The following KMT2C variants were observed in gnomAD, a reference collection of about 807,000 sequenced individuals.
The protein encoded by KMT2C is histone-lysine N-methyltransferase 2C.
Under a neutral mutation model 507.9 loss-of-function variants are expected in KMT2C, and 88 were observed. That is an observed-to-expected ratio of 0.17 (90% CI 0.15 to 0.21). The LOEUF (loss-of-function observed/expected upper bound fraction) is 0.21, where lower values mean the gene tolerates loss of function less well. KMT2C is among the 10% of genes least tolerant of loss of function. The pLI is 1.00. For missense variants in KMT2C, 4,954 were observed against 5,957.8 expected (o/e 0.83, Z 5.55); for synonymous variants, 2,049 against 2,080.8 (o/e 0.98, Z 0.42).
intron 31 of KMT2C, among the ~76,000 whole-genome samples, chr7:152,190,204 G>A (rs188116937): frequency 6.6e-6 from 1 of 152,118 alleles, no homozygotes; most frequent in African/African-American, 2.4e-5. Flanking sequence ...GGACTGCTGC[G>A]TTAAGGAATG....
intron 8 of KMT2C, 133 bp downstream of exon 8, chr7:152,264,905 A>T: frequency 1.0e-6 from 1 of 1,000,274 alleles, no homozygotes; most frequent in Non-Finnish European, 1.3e-6. Context: ...AATTTTTTTA[A>T]GTATGATGAA....
chr7:152,149,272 G>A (rs2091411715), intron 51 of KMT2C, 120 bp from the exon 52 acceptor site: 1 of 890,600 alleles, frequency 1.1e-6, no homozygotes, highest in South Asian at 3.3e-5. Flanking sequence ...GAGGGGCAGA[G>A]GGAGAGTCAG....
chr7:152,234,839 G>A (rs1296591011), intron 16 of KMT2C, among the ~76,000 whole-genome samples: 25 of 151,698 alleles, frequency 1.6e-4, no homozygotes, highest in East Asian at 5.8e-4. Flanking sequence ...AGCTATGATC[G>A]CACCACTGCA....
At chr7:152,176,071 G>A in intron 38 of KMT2C, 120 bp downstream of exon 38, 1 of 1,059,650 alleles carries the variant, frequency 9.4e-7, no homozygotes. Context: ...TCCTCAAGGA[G>A]GAATAGAAAA....
In KMT2C at chr7:152,181,688, C is replaced by G; in HGVS notation, c.6172G>C (p.Gly2058Arg). 6.2e-7 allele frequency: 1 copy of G among 1,614,082 alleles called. No homozygotes were observed. The highest frequency in any genetic ancestry group is 8.5e-7 in the Non-Finnish European group (1 of 1,180,020). ...CGCCTTGATGCCTGTGACACTGATC[C>G]ATAAGGATCCTGAGAGGATGGAGGA... Reference protein sequence around the residue: ...QPPPSSQDPYGSVSQASRRLS... With the variant: ...QPPPSSQDPYRSVSQASRRLS... The change falls in exon 36 of 59, where the codon GGA (glycine) becomes CGA (arginine). Residue 2058 changes from glycine (G) to arginine (R), a missense_variant. Physicochemically the swap from Gly to Arg is moderately radical, Grantham distance 125. Around this residue, in one of 29 missense-constraint regions of KMT2C, gnomAD observed 1,689 missense variants for 1,654.3 expected, o/e 1.02. Coordinates refer to ENST00000262189, the MANE Select transcript of KMT2C (RefSeq NM_170606.3).
In KMT2C at chr7:152,243,284, AG is replaced by A. The variant is rs546020872; in HGVS notation, c.2533-4459del. ...CCACAACAAGCACAAGTGAACTAAA[AG>A]GAAAGTCTGGTACTTCTAATCGGCT... is the stretch of plus-strand genomic sequence containing the variant. On this transcript the variant is annotated intron_variant, in intron 14 of 58. Transcript: ENST00000262189. Among the ~76,000 whole-genome samples the A allele has an allele frequency of 3.9e-5, 6 of 152,340 alleles. No homozygotes were observed. The South Asian group carries it at 1.2e-3, about 32-fold the overall frequency.
At chr7:152,384,392 C>A (rs1162810595) in intron 1 of KMT2C, among the ~76,000 whole-genome samples, 5 of 152,232 alleles carry the variant, frequency 3.3e-5, no homozygotes, top group Admixed American at 3.3e-4. Context: ...ATCTCAGAGC[C>A]TTTGCACATG....
intron 1 of KMT2C, among the ~76,000 whole-genome samples, chr7:152,415,427 C>T (rs1202875404): frequency 6.6e-6 from 1 of 151,998 alleles, no homozygotes; most frequent in African/African-American, 2.4e-5. Context: ...TTTCACTACA[C>T]AAAAGATAAT....
intron 7 of KMT2C, among the ~76,000 whole-genome samples, chr7:152,272,051 A>G (rs2095986406): frequency 6.6e-6 from 1 of 152,094 alleles, no homozygotes; most frequent in African/African-American, 2.4e-5. Flanking sequence ...TTCCATTGCC[A>G]AATTTCCTTA....
chr7:152,160,980 T>G (rs1344623354), intron 43 of KMT2C, among the ~76,000 whole-genome samples: 1 of 152,020 alleles, frequency 6.6e-6, no homozygotes, highest in East Asian at 1.9e-4. Context: ...TAAAAATATA[T>G]TGTCCAGACG....
chr7:152,208,272 G>C (rs993576849), intron 23 of KMT2C, among the ~76,000 whole-genome samples: 1 of 152,132 alleles, frequency 6.6e-6, no homozygotes, highest in Non-Finnish European at 1.5e-5. Flanking sequence ...TCAGTTCTTT[G>C]AATGTATCAA....
chr7:152,433,762 G>A (rs2097887540), intron 1 of KMT2C, among the ~76,000 whole-genome samples: 1 of 152,212 alleles, frequency 6.6e-6, no homozygotes, highest in Admixed American at 6.5e-5. Context: ...ATAATAAAGT[G>A]GCAATACCCT....
chr7:152,424,605 G>A (rs2097799458), intron 1 of KMT2C, among the ~76,000 whole-genome samples: 1 of 152,008 alleles, frequency 6.6e-6, no homozygotes, highest in African/African-American at 2.4e-5. Context: ...GTATTTTTTT[G>A]TAGAGACAGT....
chr7:152,210,669 G>A (rs890699924), intron 23 of KMT2C, among the ~76,000 whole-genome samples: 5 of 151,768 alleles, frequency 3.3e-5, no homozygotes, highest in Non-Finnish European at 7.4e-5. Context: ...TAACATGAAA[G>A]ACAGAGACCT....
At chr7:152,194,296 C>CA (rs745718604) in intron 29 of KMT2C, 35 bp from the exon 30 acceptor site, 1 of 1,354,588 alleles carries the variant, frequency 7.4e-7, no homozygotes, top group Non-Finnish European at 1.0e-6. Context: ...GAAACATTAA[C>CA]AGCTACTAAT....
chr7:152,185,629 A>C lies in KMT2C; in HGVS notation c.5011T>G (p.Trp1671Gly), dbSNP rs2093602704. ...FPNLKEEFPD[W>G]TTRVKQIAKL... is the part of the protein sequence containing the mutation. ...GCAATTTGCTTCACTCTAGTAGTCC[A>C]ATCTGCAACAAAAGAACAGAGTATA... The change falls in exon 34 of 59, where the codon TGG (tryptophan) becomes GGG (glycine). Residue 1671 changes from tryptophan (W) to glycine (G), a missense_variant and splice_region_variant. Coordinates refer to ENST00000262189, the MANE Select transcript of KMT2C (RefSeq NM_170606.3). The C allele has an allele frequency of 6.2e-7, 1 of 1,609,824 alleles. No individual in the cohort carries two copies. Among genetic ancestry groups the C allele is most frequent in the African/African-American group, 1.3e-5 (1 of 74,860 alleles).
At chr7:152,268,065 A>C (rs2095888003) in intron 7 of KMT2C, among the ~76,000 whole-genome samples, 1 of 152,166 alleles carries the variant, frequency 6.6e-6, no homozygotes, top group African/African-American at 2.4e-5. Flanking sequence ...GGATCACTTG[A>C]GGTCAGGAGC....
intron 27 of KMT2C, among the ~76,000 whole-genome samples, chr7:152,196,345 A>C (rs1407481494): frequency 6.6e-6 from 1 of 152,256 alleles, no homozygotes; most frequent in Non-Finnish European, 1.5e-5. Context: ...GCATGTCTAA[A>C]AGTGACATTG....
Position 152,162,103 on chromosome 7 carries a change from T to G in KMT2C, c.11460+14A>C, listed in dbSNP as rs1180600101. 6.7e-7 allele frequency: 1 copy of G among 1,501,574 alleles called. No homozygotes were observed. Among genetic ancestry groups the G allele is most frequent in the African/African-American group, 1.4e-5 (1 of 71,490 alleles). 93.0% of individuals were successfully genotyped at this position (1,501,574 alleles called of 1,614,324 possible). A position where few individuals can be genotyped will look rare whatever the true frequency, so the allele number is the denominator to read the frequency against. ...CAAAAGAAAAAAGTTGTCGTTTTTA[T>G]GATTTACACTTACCAGTCCTTCAGC... On this transcript the variant is annotated intron_variant, in intron 43 of 58. Coordinates refer to ENST00000262189, the MANE Select transcript of KMT2C (RefSeq NM_170606.3).
Sources: allele counts gnomAD v4.1 joint callset (sites outside exome capture counted in the v4.1 genomes callset), GRCh38; gene constraint gnomAD v4.1.1; regional missense constraint gnomAD v4.1.1; transcripts MANE v1.5; gene names NCBI Gene and HGNC (gene_info 2026-07-23, HGNC 2026-07-21).